EYS: variants seen among roughly 807,000 people sequenced by gnomAD.
EYS encodes EGF-like photoreceptor maintenance factor, also known as protein eyes shut homolog.
EYS carries 250 observed loss-of-function variants against 282.1 expected under a neutral mutation model. The observed-to-expected ratio is 0.89, with a 90% confidence interval of 0.80 to 0.98. EYS has a LOEUF of 0.98. Among genes scored for constraint, EYS ranks in the 50% least tolerant of loss-of-function variants. EYS has a pLI of 0.00. For synonymous variants in EYS, 1,355 were observed against 1,282.9 expected (o/e 1.06, Z -1.20); for missense variants, 4,016 against 3,709.0 (o/e 1.08, Z -2.15).
chr6:63,781,434 GT>G (rs1467398302), intron 39 of EYS, among the ~76,000 whole-genome samples: 5 of 152,118 alleles, frequency 3.3e-5, no homozygotes, highest in African/African-American at 1.2e-4. Flanking sequence ...TTGAGCAGTG[GT>G]TTGTAGTTCT....
At chr6:64,430,117 A>C (rs1774530604) in intron 28 of EYS, among the ~76,000 whole-genome samples, 1 of 152,156 alleles carries the variant, frequency 6.6e-6, no homozygotes, top group Non-Finnish European at 1.5e-5. Context: ...TCTTGGTTTC[A>C]TTCTTAATGT....
chr6:63,868,554 G>A (rs1772723898), intron 35 of EYS, among the ~76,000 whole-genome samples: 2 of 152,156 alleles, frequency 1.3e-5, no homozygotes, highest in South Asian at 2.1e-4. Flanking sequence ...GCAGGAAAGA[G>A]TGCAGAAATG....
chr6:65,491,229 T>C (rs1427531907), intron 4 of EYS: 1 of 171,686 alleles, frequency 5.8e-6, no homozygotes, highest in East Asian at 1.7e-4. Flanking sequence ...TTTCCAAATC[T>C]CACTTACACA....
chr6:64,663,227 A>C (rs1451206966), intron 22 of EYS, among the ~76,000 whole-genome samples: 2 of 152,204 alleles, frequency 1.3e-5, no homozygotes, highest in South Asian at 2.1e-4. Flanking sequence ...CTTGTAAAAC[A>C]AAAAAGCCAT....
At chr6:63,954,855 C>T (rs891712644) in intron 35 of EYS, among the ~76,000 whole-genome samples, 11 of 151,972 alleles carry the variant, frequency 7.2e-5, no homozygotes, top group Admixed American at 2.6e-4. Flanking sequence ...GGTTACAATC[C>T]GCTAGCCCAA....
intron 12 of EYS, among the ~76,000 whole-genome samples, chr6:65,203,971 C>T (rs1765965168): frequency 6.6e-6 from 1 of 151,784 alleles, no homozygotes; most frequent in Admixed American, 6.6e-5. Flanking sequence ...AATTTCAGAG[C>T]TTGAATACCA....
chr6:63,949,887 T>C (rs1371845088), intron 35 of EYS, among the ~76,000 whole-genome samples: 2 of 152,094 alleles, frequency 1.3e-5, no homozygotes, highest in African/African-American at 2.4e-5. Context: ...AAAAATCTGC[T>C]TTTTGGCCAG....
chr6:64,806,326 G>T (rs2150011372), intron 22 of EYS, among the ~76,000 whole-genome samples: 1 of 151,920 alleles, frequency 6.6e-6, no homozygotes. Flanking sequence ...ACCATCATAA[G>T]TTACCTAACT....
intron 2 of EYS, among the ~76,000 whole-genome samples, chr6:65,601,995 G>T (rs979793326): frequency 1.5e-4 from 23 of 151,894 alleles, no homozygotes; most frequent in Non-Finnish European, 3.1e-4. Context: ...TACAGCCTAT[G>T]TAACAAAGCA....
At chr6:64,967,552 A>G (rs564827309) in intron 14 of EYS, among the ~76,000 whole-genome samples, 1 of 152,184 alleles carries the variant, frequency 6.6e-6, no homozygotes, top group South Asian at 2.1e-4. Context: ...TCCCGACCTC[A>G]GGTGATCCAC....
intron 5 of EYS, among the ~76,000 whole-genome samples, chr6:65,436,170 G>A (rs1334159791): frequency 6.6e-6 from 1 of 152,086 alleles, no homozygotes; most frequent in Admixed American, 6.6e-5. Flanking sequence ...GATGGAATGA[G>A]ACAAAATCAT....
chr6:64,645,248 C>G (rs1214428868), intron 22 of EYS, among the ~76,000 whole-genome samples: 1 of 152,150 alleles, frequency 6.6e-6, no homozygotes, highest in African/African-American at 2.4e-5. Flanking sequence ...CATTGAAAAT[C>G]AGACACTGGA....
At chr6:64,759,928 A>C (rs1228131643) in intron 22 of EYS, among the ~76,000 whole-genome samples, 1 of 152,240 alleles carries the variant, frequency 6.6e-6, no homozygotes, top group Non-Finnish European at 1.5e-5. Flanking sequence ...GTCTCATTAC[A>C]ATATTTAAAC....
chr6:64,409,366 C>T (rs1264262544), intron 28 of EYS, among the ~76,000 whole-genome samples: 3 of 152,110 alleles, frequency 2.0e-5, no homozygotes, highest in African/African-American at 7.2e-5. Context: ...TTTGAGAAGT[C>T]ACCAGGCATG....
At chr6:63,868,856 ACT>A (rs1163412363) in intron 35 of EYS, among the ~76,000 whole-genome samples, 5 of 152,004 alleles carry the variant, frequency 3.3e-5, no homozygotes, top group Admixed American at 3.3e-4. Flanking sequence ...GTGTGTGGAG[ACT>A]CTGGCTCTAG....
Position 64,591,473 on chromosome 6 carries a change from GC to G in EYS, c.4393del (p.Ala1465LeufsTer13). The G allele has an allele frequency of 1.3e-6, 2 of 1,551,254 alleles. No homozygotes were observed. Among genetic ancestry groups the G allele is most frequent in the African/African-American group, 1.4e-5 (1 of 73,102 alleles). Reference protein sequence around the residue: ...ISATPVVSRGAQEDIEEYSAD... With the variant: ...ISATPVVSRGXQEDIEEYSAD... ...TGAATATTCTTCAATATCCTCTTGA[GC>G]CCCCCTAGAGACAACTGGAGTTGCA... On this transcript the variant is annotated frameshift_variant, in exon 26 of 43. Transcript: ENST00000503581. LOFTEE classifies it high-confidence loss of function.
intron 2 of EYS, among the ~76,000 whole-genome samples, chr6:65,604,429 A>C (rs1239434301): frequency 6.6e-6 from 1 of 151,992 alleles, no homozygotes; most frequent in Non-Finnish European, 1.5e-5. Context: ...TTAAAAATTC[A>C]CATGGAAACA....
intron 28 of EYS, among the ~76,000 whole-genome samples, chr6:64,429,126 A>G (rs553960426): frequency 5.9e-5 from 9 of 152,170 alleles, no homozygotes; most frequent in Non-Finnish European, 1.3e-4. Context: ...ATCAAGTAAA[A>G]CCAAAATTAC....
chr6:64,075,839 T>C (rs1202013787), intron 32 of EYS, among the ~76,000 whole-genome samples: 1 of 152,026 alleles, frequency 6.6e-6, no homozygotes, highest in Admixed American at 6.6e-5. Flanking sequence ...TTCAATTGTA[T>C]AAGTAGAATA....
Sources: allele counts gnomAD v4.1 joint callset (sites outside exome capture counted in the v4.1 genomes callset), GRCh38; gene constraint gnomAD v4.1.1; transcripts MANE v1.5; gene names NCBI Gene and HGNC (gene_info 2026-07-23, HGNC 2026-07-21).